Variants in DENND1A observed in about 807,000 individuals in gnomAD.
The protein encoded by DENND1A is DENN domain-containing protein 1A.
A neutral mutation model predicts 113.7 loss-of-function variants in DENND1A; 51 were observed. The observed-to-expected ratio is 0.45, with a 90% CI of 0.36 to 0.57. The LOEUF (loss-of-function observed/expected upper bound fraction) is 0.57, where lower values mean the gene tolerates loss of function less well. Among genes scored for constraint, DENND1A ranks in the 20% least tolerant of loss-of-function variants. The pLI, the probability that DENND1A is intolerant of heterozygous loss-of-function variation, is 0.00. For missense variants in DENND1A, 1,258 were observed against 1,395.9 expected (o/e 0.90, Z 1.57); for synonymous variants, 565 against 570.8 (o/e 0.99, Z 0.14).
At chr9:123,415,701 G>T (rs968893772) in intron 19 of DENND1A, among the ~76,000 whole-genome samples, 2 of 152,218 alleles carry the variant, frequency 1.3e-5, no homozygotes, top group Admixed American at 6.5e-5. Flanking sequence ...ACTTCCCTGG[G>T]CCTCTGTGTC....
At chr9:123,836,299 G>A (rs1402537592) in intron 2 of DENND1A, among the ~76,000 whole-genome samples, 2 of 152,078 alleles carry the variant, frequency 1.3e-5, no homozygotes, top group African/African-American at 4.8e-5. Flanking sequence ...AGGCTAATGG[G>A]CAATAATACC....
chr9:123,495,427 C>T (rs762660696), intron 13 of DENND1A, among the ~76,000 whole-genome samples: 17 of 152,220 alleles, frequency 1.1e-4, no homozygotes, highest in African/African-American at 3.9e-4. Context: ...CACAACACCA[C>T]GAGTCAAAGG....
At chr9:123,406,130 T>C (rs1052230795) in intron 20 of DENND1A, among the ~76,000 whole-genome samples, 3 of 152,344 alleles carry the variant, frequency 2.0e-5, no homozygotes, top group Non-Finnish European at 4.4e-5. Flanking sequence ...ACACAGATGA[T>C]AGAAGCTGGC....
chr9:123,543,568 G>A (rs140009875), intron 13 of DENND1A, among the ~76,000 whole-genome samples: 64 of 152,214 alleles, frequency 4.2e-4, no homozygotes, highest in Non-Finnish European at 6.9e-4. Context: ...CCTCTGCTTC[G>A]TCCTCAGCCA....
chr9:123,835,582 C>T (rs1244777240), intron 2 of DENND1A, among the ~76,000 whole-genome samples: 2 of 151,396 alleles, frequency 1.3e-5, no homozygotes, highest in Admixed American at 6.6e-5. Context: ...TCTAGTTCAT[C>T]TAGACCCTAT....
chr9:123,461,516 C>T (rs922305247), intron 13 of DENND1A, among the ~76,000 whole-genome samples: 11 of 152,214 alleles, frequency 7.2e-5, no homozygotes, highest in Non-Finnish European at 1.0e-4. Flanking sequence ...GGGAGTTGAG[C>T]TGCTCCAAGG....
At chr9:123,645,837 G>A (rs1186432574) in intron 9 of DENND1A, among the ~76,000 whole-genome samples, 1 of 152,144 alleles carries the variant, frequency 6.6e-6, no homozygotes, top group African/African-American at 2.4e-5. Context: ...ATTCAACACA[G>A]GATTTATCTC....
At chr9:123,476,313 A>G (rs2049909736) in intron 13 of DENND1A, among the ~76,000 whole-genome samples, 1 of 152,174 alleles carries the variant, frequency 6.6e-6, no homozygotes, top group African/African-American at 2.4e-5. Context: ...GATGGTGTGG[A>G]GAACCCAGAT....
chr9:123,604,381 T>C (rs1589313236), intron 11 of DENND1A, among the ~76,000 whole-genome samples: 1 of 152,298 alleles, frequency 6.6e-6, no homozygotes, highest in East Asian at 1.9e-4. Context: ...ACAATTACTT[T>C]ATATTTTTCT....
At chr9:123,844,713 AG>A (rs1842338886) in intron 2 of DENND1A, among the ~76,000 whole-genome samples, 1 of 152,166 alleles carries the variant, frequency 6.6e-6, no homozygotes, top group Non-Finnish European at 1.5e-5. Context: ...GAAATTGATA[AG>A]CTAATACTAA....
At chr9:123,857,695 T>C (rs1263348121) in intron 2 of DENND1A, among the ~76,000 whole-genome samples, 1 of 152,142 alleles carries the variant, frequency 6.6e-6, no homozygotes, top group Non-Finnish European at 1.5e-5. Context: ...AAATTGAGGC[T>C]TGTAACCTTC....
chr9:123,841,486 A>T (rs1056529773), intron 2 of DENND1A, among the ~76,000 whole-genome samples: 2 of 152,196 alleles, frequency 1.3e-5, no homozygotes, highest in East Asian at 3.8e-4. Flanking sequence ...ATCTGGTCAT[A>T]CAGTGGTGAA....
intron 12 of DENND1A, among the ~76,000 whole-genome samples, chr9:123,571,561 C>T (rs1363770844): frequency 1.3e-5 from 2 of 152,196 alleles, no homozygotes; most frequent in African/African-American, 2.4e-5. Context: ...TCCTACAGTG[C>T]TGTGTGTCTG....
rs1344555801 is a variant in DENND1A at position 123,757,816 on chromosome 9, T to G, written c.189A>C (p.Thr63=). ...TGAAGTTCTGGCCAACTTGGCTAAC[T>G]GTGAGGCTGCAGCAAAGGCAGAACA... The part of the protein sequence containing the change: ...FCFPFYVDSL[T]VSQVGQNFTF... The change falls in exon 5 of 24, where the codon ACA becomes ACC. Residue 63 remains threonine, a synonymous_variant. Transcript: ENST00000394215. The G allele has an allele frequency of 6.2e-7, 1 of 1,613,726 alleles. No individual in the cohort carries two copies. Among genetic ancestry groups the G allele is most frequent in the Non-Finnish European group, 8.5e-7 (1 of 1,179,910 alleles).
chr9:123,417,300 T>C (rs996936444), intron 19 of DENND1A, among the ~76,000 whole-genome samples: 3 of 152,256 alleles, frequency 2.0e-5, no homozygotes, highest in African/African-American at 7.2e-5. Context: ...AGCTGTGTGC[T>C]ATCAGCAAGG....
chr9:123,597,877 G>A (rs1377338150), intron 11 of DENND1A, among the ~76,000 whole-genome samples: 2 of 152,274 alleles, frequency 1.3e-5, no homozygotes, highest in East Asian at 3.9e-4. Context: ...TTCCAGGGAA[G>A]GTTTTCATAA....
intron 9 of DENND1A, among the ~76,000 whole-genome samples, chr9:123,637,764 T>C (rs961442294): frequency 1.3e-5 from 2 of 152,108 alleles, no homozygotes; most frequent in African/African-American, 4.8e-5. Context: ...GCAAACAGTG[T>C]CTTGCTTTTC....
chr9:123,388,455 A>G (rs1384805166), intron 21 of DENND1A, among the ~76,000 whole-genome samples: 3 of 152,204 alleles, frequency 2.0e-5, no homozygotes, highest in African/African-American at 7.2e-5. Context: ...GAGCATATCT[A>G]TTCCAATAAG....
At chr9:123,704,550 C>T (rs2066066233) in intron 5 of DENND1A, among the ~76,000 whole-genome samples, 1 of 151,996 alleles carries the variant, frequency 6.6e-6, no homozygotes, top group African/African-American at 2.4e-5. Context: ...ATTAGTATTC[C>T]TAGGTAATAG....
Sources: allele counts gnomAD v4.1 joint callset (sites outside exome capture counted in the v4.1 genomes callset), GRCh38; gene constraint gnomAD v4.1.1; transcripts MANE v1.5; gene names NCBI Gene and HGNC (gene_info 2026-07-23, HGNC 2026-07-21).